ENTPD6: variants seen among roughly 807,000 people sequenced by gnomAD.
The protein encoded by ENTPD6 is ectonucleoside triphosphate diphosphohydrolase 6.
In ENTPD6, 46 loss-of-function variants were observed where a neutral mutation model predicts 61.5. The observed-to-expected ratio is 0.75, with a 90% confidence interval of 0.59 to 0.96. The LOEUF (loss-of-function observed/expected upper bound fraction) is 0.96. Ranked by LOEUF, ENTPD6 falls within the 40% of genes least tolerant of loss-of-function variation. The probability of loss-of-function intolerance (pLI) is 0.00; values close to 1 mark genes in which losing one functional copy is unlikely to be tolerated. For missense variants in ENTPD6, 612 were observed against 629.0 expected, an observed-to-expected ratio of 0.97 and a Z score of 0.29; for synonymous variants, 252 against 255.5, an observed-to-expected ratio of 0.99 and a Z score of 0.13.
chr20:25,223,027 C>CGGCTGGGGGG, intron 12 of ENTPD6, 49 bp downstream of exon 12: 1 of 490,368 alleles, frequency 2.0e-6, no homozygotes, highest in Non-Finnish European at 3.2e-6. Flanking sequence ...CGGCAGGGGG[C>CGGCTGGGGGG]GGGGGTGGAG....
In ENTPD6 at chr20:25,215,742, C is replaced by T. The variant is rs181563953; in HGVS notation, c.709+31C>T. ...TGCACACTGCATCACAGAGGCTAGC[C>T]GATCACAGACACCTGCGGAGGGCTC... On this transcript the variant is annotated intron_variant, in intron 7 of 14. Transcript: ENST00000376652. The T allele has an allele frequency of 1.1e-3, 1,737 of 1,612,656 alleles. 2 individuals carry two copies. The highest frequency in any genetic ancestry group is 1.3e-3 in the Middle Eastern group (8 of 6,056).
At position 25,222,858 on chromosome 20, in the gene ENTPD6, T is replaced by C; in HGVS notation, c.1066T>C (p.Cys356Arg). The C allele has an allele frequency of 3.7e-6, 6 of 1,614,010 alleles. No individual in the cohort carries two copies. Among genetic ancestry groups the C allele is most frequent in the Non-Finnish European group, 5.1e-6 (6 of 1,180,000 alleles). ...QKAAASLHEL[C>R]AARVSEVLQN... ...CCCAGCGGCAAGCCTGCACGAGCTG[T>C]GTGCTGCCAGAGTGTCAGAGGTCCT... The change falls in exon 12 of 15, where the codon TGT becomes CGT. Residue 356 changes from cysteine to arginine, a missense_variant. By Grantham distance (180) the Cys-to-Arg change is radical. Coordinates refer to ENST00000376652, the MANE Select transcript of ENTPD6 (RefSeq NM_001247.5).
chr20:25,197,302 TCA>T, intron 1 of ENTPD6: 4 of 926,734 alleles, frequency 4.3e-6, no homozygotes, highest in Non-Finnish European at 5.2e-6. Flanking sequence ...TGCTCTACCC[TCA>T]GATTCTCTTC....
intron 4 of ENTPD6, among the ~76,000 whole-genome samples, chr20:25,210,728 G>A (rs866533518): frequency 4.6e-5 from 7 of 152,128 alleles, no homozygotes; most frequent in Middle Eastern, 3.4e-3. Flanking sequence ...GATCACCTGA[G>A]GTCAGGAGTT....
chr20:25,216,333 G>A (rs991836348), intron 7 of ENTPD6, among the ~76,000 whole-genome samples: 10 of 152,194 alleles, frequency 6.6e-5, no homozygotes, highest in African/African-American at 2.4e-4. Flanking sequence ...GGGGAGTGGA[G>A]ATGGGCTGAT....
intron 4 of ENTPD6, among the ~76,000 whole-genome samples, chr20:25,210,579 A>G (rs1446732108): frequency 2.0e-5 from 3 of 152,210 alleles, no homozygotes; most frequent in African/African-American, 7.2e-5. Flanking sequence ...TGGGAGGTCA[A>G]GGCTACAGTG....
At chr20:25,196,300 C>T in intron 1 of ENTPD6, 1 of 930,272 alleles carries the variant, frequency 1.1e-6, no homozygotes, top group Non-Finnish European at 1.3e-6. Flanking sequence ...AAGGACGATT[C>T]ACCCTGGCAT....
chr20:25,199,878 T>TA (rs767934932), intron 1 of ENTPD6, among the ~76,000 whole-genome samples: 7 of 152,272 alleles, frequency 4.6e-5, no homozygotes, highest in Non-Finnish European at 8.8e-5. Flanking sequence ...GAATTTTGTG[T>TA]ATCCATCTGT....
At chr20:25,221,841 C>T (rs1300514647) in intron 11 of ENTPD6, 1 of 237,458 alleles carries the variant, frequency 4.2e-6, no homozygotes, top group Non-Finnish European at 8.4e-6. Context: ...GGGTGCATGC[C>T]TTCGCGAACC....
At position 25,224,157 on chromosome 20, in the gene ENTPD6, GGTGAGTGAT is replaced by G. The variant is rs2092725597; in HGVS notation, c.1243+2_1243+10del. 1 of 1,611,462 alleles carries G rather than the reference GGTGAGTGAT, an allele frequency of 6.2e-7. No homozygotes were observed. The highest frequency in any genetic ancestry group is 1.3e-5 in the African/African-American group (1 of 74,882). On this transcript the variant is annotated splice_donor_variant and splice_donor_5th_base_variant and intron_variant, in intron 13 of 14. Coordinates refer to ENST00000376652, the MANE Select transcript of ENTPD6 (RefSeq NM_001247.5). LOFTEE classifies it high-confidence loss of function. ...GGACTTCGAGATCGCAGCCAAGTAC[GGTGAGTGAT>G]GCTGCAGGGGCCATCTCAGCAGGGG...
chr20:25,216,618 C>A (rs759323258), intron 7 of ENTPD6, 30 bp from the exon 8 acceptor site: 1 of 1,543,020 alleles, frequency 6.5e-7, no homozygotes, highest in East Asian at 2.3e-5. Context: ...TACTAATGCC[C>A]CTGTGCTGTT....
chr20:25,215,083 C>A, intron 6 of ENTPD6, 141 bp downstream of exon 6: 1 of 625,492 alleles, frequency 1.6e-6, no homozygotes, highest in Non-Finnish European at 2.9e-6. Flanking sequence ...AGTAAAGAAT[C>A]ATGGCTGTTA....
chr20:25,226,750 A>T lies in ENTPD6; in HGVS notation c.*1153A>T, dbSNP rs1271951204. ...TCTGGGATTCCTCTCGTTGAGCGAC[A>T]GTAGCATTTGCCCACCTGGCACCTG... On this transcript the variant is annotated 3_prime_UTR_variant, in exon 15 of 15. Coordinates refer to ENST00000376652, the MANE Select transcript of ENTPD6 (RefSeq NM_001247.5). 6.6e-6 allele frequency: 1 copy of T among 152,358 alleles called. No homozygotes were observed. The highest frequency in any genetic ancestry group is 1.5e-5 in the Non-Finnish European group (1 of 68,102). 9.4% of individuals were successfully genotyped at this position (152,358 alleles called of 1,614,324 possible).
chr20:25,214,894 T>G lies in ENTPD6; in HGVS notation c.625T>G (p.Phe209Val). Reference sequence around the variant, plus strand: ...GAAAAAAGTATTTAAAGCATCGCCTTTCCTTGTAGGGGATGACTGTGTTTC... The same window carrying G: ...GAAAAAAGTATTTAAAGCATCGCCTGTCCTTGTAGGGGATGACTGTGTTTC... Reference protein sequence around the residue: ...KVKKVFKASPFLVGDDCVSIM... With the variant: ...KVKKVFKASPVLVGDDCVSIM... The change falls in exon 6 of 15, where the codon TTC becomes GTC. Residue 209 changes from phenylalanine (F) to valine (V), a missense_variant. Coordinates refer to ENST00000376652, the MANE Select transcript of ENTPD6 (RefSeq NM_001247.5). 6.2e-7 allele frequency: 1 copy of G among 1,603,376 alleles called. No individual in the cohort carries two copies. Among genetic ancestry groups the G allele is most frequent in the Non-Finnish European group, 8.5e-7 (1 of 1,170,238 alleles).
Position 25,224,123 on chromosome 20 carries a change from G to A in ENTPD6, c.1209G>A (p.Leu403=). The change falls in exon 13 of 15, where the codon CTG becomes CTA. Residue 403 remains leucine, a synonymous_variant. Coordinates refer to ENST00000376652, the MANE Select transcript of ENTPD6 (RefSeq NM_001247.5). ...CAGATGCGGAGAAGGGAGGCAGCCT[G>A]GTGGTGGGGGACTTCGAGATCGCAG... is the stretch of plus-strand genomic sequence containing the variant. ...GLIDAEKGGS[L]VVGDFEIAAK... 1 of 1,612,616 alleles carries A rather than the reference G, an allele frequency of 6.2e-7. No homozygotes were observed. Among genetic ancestry groups the A allele is most frequent in the South Asian group, 1.1e-5 (1 of 90,772 alleles).
intron 1 of ENTPD6, among the ~76,000 whole-genome samples, chr20:25,196,622 C>T (rs2090449995): frequency 6.6e-6 from 1 of 152,204 alleles, no homozygotes; most frequent in South Asian, 2.1e-4. Flanking sequence ...TCCAGCCTTA[C>T]CTGCGCGAAG....
chr20:25,202,026 T>A (rs189331933), intron 1 of ENTPD6, among the ~76,000 whole-genome samples: 1 of 152,320 alleles, frequency 6.6e-6, no homozygotes, highest in East Asian at 1.9e-4. Context: ...CATAAATAGT[T>A]GATTAACACA....
At chr20:25,207,967 T>A (rs1434748027) in intron 3 of ENTPD6, among the ~76,000 whole-genome samples, 1 of 152,170 alleles carries the variant, frequency 6.6e-6, no homozygotes, top group Non-Finnish European at 1.5e-5. Context: ...GCCACCCGGT[T>A]CCTCTGCTCT....
intron 7 of ENTPD6, among the ~76,000 whole-genome samples, chr20:25,216,273 G>A (rs2092309063): frequency 6.6e-6 from 1 of 152,166 alleles, no homozygotes; most frequent in Admixed American, 6.5e-5. Flanking sequence ...GCCACTTTGG[G>A]GGATAGAAAT....
Sources: allele counts gnomAD v4.1 joint callset (sites outside exome capture counted in the v4.1 genomes callset), GRCh38; gene constraint gnomAD v4.1.1; transcripts MANE v1.5; gene names NCBI Gene and HGNC (gene_info 2026-07-23, HGNC 2026-07-21).